Variants in PHTF2 observed in about 807,000 individuals in gnomAD.
PHTF2 encodes the protein protein PHTF2.
A neutral mutation model predicts 101.2 loss-of-function variants in PHTF2; 60 were observed. That is an observed-to-expected ratio of 0.59 (90% CI 0.48 to 0.73). PHTF2 has a LOEUF of 0.73. PHTF2 is among the 30% of genes least tolerant of loss of function. The pLI, the probability that PHTF2 is intolerant of heterozygous loss-of-function variation, is 0.00. For synonymous variants in PHTF2, 311 were observed against 307.3 expected (o/e 1.01, Z -0.13); for missense variants, 747 against 908.7 (o/e 0.82, Z 2.29).
chr7:77,871,192 G>C (rs1251729990), intron 3 of PHTF2, among the ~76,000 whole-genome samples: 1 of 152,122 alleles, frequency 6.6e-6, no homozygotes, highest in Non-Finnish European at 1.5e-5. Context: ...TTGTAGTCCT[G>C]CCTGAATTGG....
At chr7:77,835,445 A>C (rs954618940) in intron 1 of PHTF2, among the ~76,000 whole-genome samples, 6 of 152,184 alleles carry the variant, frequency 3.9e-5, no homozygotes, top group African/African-American at 1.4e-4. Context: ...AGTGAGAGTC[A>C]TGCCAGAACA....
At chr7:77,831,377 C>T (rs577702144) in intron 1 of PHTF2, among the ~76,000 whole-genome samples, 101 of 152,316 alleles carry the variant, frequency 6.6e-4, no homozygotes, top group African/African-American at 2.3e-3. Flanking sequence ...TTGATCCTGC[C>T]TGCTTGCTGT....
intron 1 of PHTF2, among the ~76,000 whole-genome samples, chr7:77,823,658 A>AAT (rs1331167147): frequency 8.5e-5 from 13 of 152,228 alleles, no homozygotes; most frequent in African/African-American, 3.1e-4. Flanking sequence ...TTAGACAAGG[A>AAT]ATATTACCTG....
intron 9 of PHTF2, among the ~76,000 whole-genome samples, chr7:77,919,384 C>T (rs1803236043): frequency 6.6e-6 from 1 of 152,112 alleles, no homozygotes; most frequent in South Asian, 2.1e-4. Context: ...ATTGATACCT[C>T]TAACAAAAAT....
intron 3 of PHTF2, among the ~76,000 whole-genome samples, chr7:77,879,121 A>G (rs1354567527): frequency 6.6e-6 from 1 of 152,192 alleles, no homozygotes; most frequent in Non-Finnish European, 1.5e-5. Flanking sequence ...ATTTTATCTT[A>G]CAGACATTGG....
Position 77,932,621 on chromosome 7 carries a change from A to AGAGTGTGT in PHTF2, c.1338+3295_1338+3296insAGTGTGTG, listed in dbSNP as rs759880633. On this transcript the variant is annotated intron_variant, in intron 12 of 19. Coordinates refer to ENST00000416283, the Ensembl canonical transcript of PHTF2. The stretch of plus-strand genomic sequence containing the variant: ...GAGAGAAAGAGAGAGAGAGAGAGAG[A>AGAGTGTGT]GTGTGTGTGTGTGTGTGTGTGTGTG... 8.3e-4 allele frequency among the ~76,000 whole-genome samples: 98 copies of AGAGTGTGT among 118,556 alleles called. 1 individual carries two copies. The highest frequency in any genetic ancestry group is 2.2e-3 in the Admixed American group (26 of 11,650). 77.8% of individuals were successfully genotyped at this position (118,556 alleles called of 152,430 possible). A position where few individuals can be genotyped will look rare whatever the true frequency, so the allele number is the denominator to read the frequency against.
intron 6 of PHTF2, 61 bp downstream of exon 5, chr7:77,900,841 A>C: frequency 1.1e-6 from 1 of 870,962 alleles, no homozygotes; most frequent in Non-Finnish European, 2.0e-6. Context: ...AACAGAATTC[A>C]AAATAGGTTT....
chr7:77,822,960 A>G (rs1171198876), intron 1 of PHTF2, among the ~76,000 whole-genome samples: 1 of 143,114 alleles, frequency 7.0e-6, no homozygotes, highest in Admixed American at 7.2e-5. Context: ...GCTGGAGTGC[A>G]GTGGCGCGAT....
chr7:77,897,403 A>G (rs1351644375), intron 5 of PHTF2, among the ~76,000 whole-genome samples: 1 of 150,306 alleles, frequency 6.7e-6, no homozygotes, highest in African/African-American at 2.4e-5. Context: ...GGAACATACT[A>G]TAAGAGTTTA....
intron 2 of PHTF2, among the ~76,000 whole-genome samples, chr7:77,849,937 C>T (rs768150817): frequency 1.4e-4 from 21 of 152,172 alleles, no homozygotes; most frequent in Non-Finnish European, 1.9e-4. Flanking sequence ...AGTAAAAGAT[C>T]ATATCATCTG....
intron 1 of PHTF2, among the ~76,000 whole-genome samples, chr7:77,834,335 A>AT (rs1554354133): frequency 2.7e-5 from 4 of 146,522 alleles, no homozygotes; most frequent in African/African-American, 1.0e-4. Context: ...AAAAAAAAAA[A>AT]TTTTAAACGG....
chr7:77,910,705 G>T (rs377247928), intron 9 of PHTF2, among the ~76,000 whole-genome samples: 3 of 151,864 alleles, frequency 2.0e-5, no homozygotes, highest in Non-Finnish European at 4.4e-5. Flanking sequence ...GCAGTGGCAC[G>T]ATCTCGGCTC....
chr7:77,890,599 CTTTTTT>C (rs747882978), intron 3 of PHTF2, among the ~76,000 whole-genome samples: 1 of 84,230 alleles, frequency 1.2e-5, no homozygotes, highest in South Asian at 4.3e-4. Flanking sequence ...AATAGTTACA[CTTTTTT>C]TTTTTTTTTT....
At chr7:77,944,882 T>C (rs1805917757) in intron 16 of PHTF2, among the ~76,000 whole-genome samples, 2 of 152,200 alleles carry the variant, frequency 1.3e-5, no homozygotes, top group African/African-American at 4.8e-5. Context: ...GTCACTGACT[T>C]TTAAAACACA....
Position 77,914,335 on chromosome 7 carries a change from G to T in PHTF2, c.776+3926G>T, listed in dbSNP as rs76493347. 4.6e-3 allele frequency among the ~76,000 whole-genome samples: 706 copies of T among 152,282 alleles called. 21 individuals are homozygous for T. Among genetic ancestry groups the T allele is most frequent in the Admixed American group, 0.037 (561 of 15,294 alleles). Reference sequence around the variant, plus strand: ...TGAATTTAAACAAGGAGTTGGATATGCAATATTTTTACAAGAAGAGTAGTT... The same window carrying T: ...TGAATTTAAACAAGGAGTTGGATATTCAATATTTTTACAAGAAGAGTAGTT... On this transcript the variant is annotated intron_variant, in intron 9 of 19. Coordinates refer to ENST00000416283, the Ensembl canonical transcript of PHTF2.
chr7:77,951,373 C>T (rs1806529224), intron 17 of PHTF2, among the ~76,000 whole-genome samples: 1 of 152,020 alleles, frequency 6.6e-6, no homozygotes, highest in South Asian at 2.1e-4. Flanking sequence ...TAAAGTGTCT[C>T]ACCTTTTAAA....
At chr7:77,940,553 G>A in exon 15 of PHTF2, 1 of 1,604,674 alleles carries the variant, frequency 6.2e-7, no homozygotes, top group Non-Finnish European at 8.5e-7. Context: ...AAACTCTTTG[G>A]ACATTTAACA....
chr7:77,933,425 T>G lies in PHTF2; in HGVS notation c.1338+4098T>G, dbSNP rs147195276. Among the ~76,000 whole-genome samples, 166 of 152,264 alleles carry G rather than the reference T, an allele frequency of 1.1e-3. 1 individual carries two copies. Among genetic ancestry groups the G allele is most frequent in the African/African-American group, 3.9e-3 (160 of 41,550 alleles). ...GTTCAAGGGAACAAGTGTTTCAGAA[T>G]TGAAGCTTTGAGAGACCAGGTAAGA... On this transcript the variant is annotated intron_variant, in intron 12 of 19. Transcript: ENST00000416283.
At chr7:77,816,464 T>TA (rs1224888374) in intron 1 of PHTF2, among the ~76,000 whole-genome samples, 5 of 152,214 alleles carry the variant, frequency 3.3e-5, no homozygotes, top group Non-Finnish European at 7.3e-5. Context: ...TACATTATTT[T>TA]AAAAAACTAC....
Sources: allele counts gnomAD v4.1 joint callset (sites outside exome capture counted in the v4.1 genomes callset), GRCh38; gene constraint gnomAD v4.1.1; transcripts MANE v1.5; gene names NCBI Gene and HGNC (gene_info 2026-07-23, HGNC 2026-07-21).